The following SLC49A4 variants were observed in gnomAD, a reference collection of about 807,000 sequenced individuals.
The protein encoded by SLC49A4 is disrupted in renal cancer protein 2.
SLC49A4 carries 36 observed loss-of-function variants against 50.6 expected under a neutral mutation model. The ratio of observed to expected loss-of-function variants is 0.71; its 90% CI spans 0.55 to 0.94. The LOEUF (loss-of-function observed/expected upper bound fraction) is 0.94, where lower values mean the gene tolerates loss of function less well. Ranked by LOEUF, SLC49A4 falls within the 40% of genes least tolerant of loss-of-function variation. The probability of loss-of-function intolerance (pLI) is 0.00; values close to 1 mark genes in which losing one functional copy is unlikely to be tolerated. For synonymous variants in SLC49A4, 248 were observed against 241.2 expected, an observed-to-expected ratio of 1.03 and a Z score of -0.26; for missense variants, 503 against 605.7, an observed-to-expected ratio of 0.83 and a Z score of 1.78.
chr3:122,850,530 C>CA (rs1364740823), intron 5 of SLC49A4, among the ~76,000 whole-genome samples: 1 of 148,870 alleles, frequency 6.7e-6, no homozygotes, highest in African/African-American at 2.5e-5. Context: ...TTTTTTGAGA[C>CA]AGCATCTTGA....
At chr3:122,876,117 T>G (rs966294689) in intron 8 of SLC49A4, among the ~76,000 whole-genome samples, 6 of 152,208 alleles carry the variant, frequency 3.9e-5, no homozygotes, top group Admixed American at 1.3e-4. Flanking sequence ...TTGCTTCCTG[T>G]GTTTGTTTTG....
intron 2 of SLC49A4, among the ~76,000 whole-genome samples, chr3:122,815,035 A>G (rs1936345776): frequency 6.6e-6 from 1 of 151,860 alleles, no homozygotes; most frequent in Non-Finnish European, 1.5e-5. Flanking sequence ...TGTCTGTATC[A>G]TGCTGTCATT....
At position 122,842,041 on chromosome 3, in the gene SLC49A4, T is replaced by G. The variant is rs560470616; in HGVS notation, c.834-3722T>G. ...AAAACAATGCCACTTAAGTAAATTT[T>G]TTTCCATGCAAACCTAGCTGCAGAT... On this transcript the variant is annotated intron_variant, in intron 4 of 8. Transcript: ENST00000261038. Among the ~76,000 whole-genome samples, 6 of 152,312 alleles carry G rather than the reference T, an allele frequency of 3.9e-5. No homozygotes were observed. The East Asian group carries it at 1.2e-3, about 29-fold the overall frequency.
chr3:122,862,102 A>G (rs1263382477), intron 7 of SLC49A4, among the ~76,000 whole-genome samples: 2 of 152,254 alleles, frequency 1.3e-5, no homozygotes, highest in South Asian at 4.1e-4. Context: ...GCATCAGTGC[A>G]CACATCTCAT....
intron 4 of SLC49A4, among the ~76,000 whole-genome samples, chr3:122,839,389 G>T (rs772295281): frequency 1.3e-5 from 2 of 151,834 alleles, no homozygotes; most frequent in African/African-American, 4.8e-5. Context: ...AAAAATAAAC[G>T]GGACCTAATT....
chr3:122,835,381 C>T lies in SLC49A4; in HGVS notation c.833+1935C>T, dbSNP rs572501655. Among the ~76,000 whole-genome samples, 8 of 152,188 alleles carry T rather than the reference C, an allele frequency of 5.3e-5. No individual in the cohort carries two copies. In the South Asian group the frequency reaches 1.7e-3, roughly 32 times the overall value. On this transcript the variant is annotated intron_variant, in intron 4 of 8. Coordinates refer to ENST00000261038, the MANE Select transcript of SLC49A4 (RefSeq NM_032839.3). ...TAGATACAAAAATCCTTAATAAAAA[C>T]ACTAGCTTACTGAATCCAACAGCAC...
chr3:122,830,490 A>G (rs935617845), intron 3 of SLC49A4, among the ~76,000 whole-genome samples: 1 of 152,230 alleles, frequency 6.6e-6, no homozygotes, highest in Non-Finnish European at 1.5e-5. Context: ...ATGAGATTCT[A>G]AAAAAGTGAT....
chr3:122,845,753 T>G lies in SLC49A4; in HGVS notation c.834-10T>G. 2 of 1,522,860 alleles carry G rather than the reference T, an allele frequency of 1.3e-6. No homozygotes were observed. The highest frequency in any genetic ancestry group is 1.8e-6 in the Non-Finnish European group (2 of 1,117,280). 94.3% of individuals were successfully genotyped at this position (1,522,860 alleles called of 1,614,324 possible). ...TTGTTACAATGTTTCCTTTTATTTC[T>G]CATTCACAGCAATTTTCGATTTTTG... On this transcript the variant is annotated splice_polypyrimidine_tract_variant and intron_variant, in intron 4 of 8. Coordinates refer to ENST00000261038, the MANE Select transcript of SLC49A4 (RefSeq NM_032839.3).
chr3:122,835,892 T>A (rs1936677339), intron 4 of SLC49A4, among the ~76,000 whole-genome samples: 1 of 152,178 alleles, frequency 6.6e-6, no homozygotes, highest in Admixed American at 6.6e-5. Context: ...ATTTGATAAA[T>A]GAATTCAGTA....
chr3:122,861,030 C>T (rs1368408366), intron 7 of SLC49A4, among the ~76,000 whole-genome samples: 1 of 152,200 alleles, frequency 6.6e-6, no homozygotes, highest in African/African-American at 2.4e-5. Flanking sequence ...GTTGCATTAT[C>T]TGTGCCTTTC....
intron 2 of SLC49A4, among the ~76,000 whole-genome samples, chr3:122,811,826 TA>T (rs1240606056): frequency 1.3e-5 from 2 of 152,190 alleles, no homozygotes; most frequent in African/African-American, 4.8e-5. Flanking sequence ...AGTATGTTCT[TA>T]CTTGGAAAAA....
At chr3:122,845,736 A>G (rs747601066) in intron 4 of SLC49A4, 27 bp from the exon 5 acceptor site, 52 of 1,370,662 alleles carry the variant, frequency 3.8e-5, no homozygotes, top group Admixed American at 8.2e-5. Flanking sequence ...ATTTGTTACA[A>G]TGTTTCCTTT....
chr3:122,795,260 TG>T lies in SLC49A4; in HGVS notation c.73del (p.Ala25ProfsTer94). 1 of 1,394,562 alleles carries T rather than the reference TG, an allele frequency of 7.2e-7. No individual in the cohort carries two copies. 86.4% of individuals were successfully genotyped at this position (1,394,562 alleles called of 1,614,324 possible). A position where few individuals can be genotyped will look rare whatever the true frequency, so the allele number is the denominator to read the frequency against. The part of the protein sequence containing the change: ...PLLGPGLGPG[L>X]GASWRSREAA... ...CTGGGGCCCGGGCTCGGGCCTGGGC[TG>T]GGGGCCTCCTGGAGAAGCCGGGAGG... On this transcript the variant is annotated frameshift_variant, in exon 1 of 9. Transcript: ENST00000261038. LOFTEE classifies it high-confidence loss of function.
At chr3:122,808,030 C>G (rs1157271496) in intron 2 of SLC49A4, among the ~76,000 whole-genome samples, 1 of 152,068 alleles carries the variant, frequency 6.6e-6, no homozygotes, top group East Asian at 1.9e-4. Flanking sequence ...TGAAGTCATT[C>G]TTTTGTTGGT....
chr3:122,866,434 A>C (rs970011124), intron 7 of SLC49A4, among the ~76,000 whole-genome samples: 1 of 152,136 alleles, frequency 6.6e-6, no homozygotes, highest in Non-Finnish European at 1.5e-5. Flanking sequence ...GGCATCATCT[A>C]ATATAATTTA....
At chr3:122,821,159 T>C (rs1936446502) in intron 2 of SLC49A4, among the ~76,000 whole-genome samples, 1 of 152,196 alleles carries the variant, frequency 6.6e-6, no homozygotes, top group Non-Finnish European at 1.5e-5. Context: ...TCTGAGGCCT[T>C]CCAGCCATGT....
Position 122,872,488 on chromosome 3 carries a change from T to C in SLC49A4, c.1212T>C (p.Phe404=). 1 of 1,613,964 alleles carries C rather than the reference T, an allele frequency of 6.2e-7. No homozygotes were observed. The part of the protein sequence containing the change: ...NSSVPIFFEL[F]VETVYPVPEG... ...GCGTGCCTATATTTTTTGAGCTTTTTGTGGAAACTGTCTACCCAGTTCCAG... is the reference window on the plus strand; with the variant it reads ...GCGTGCCTATATTTTTTGAGCTTTTCGTGGAAACTGTCTACCCAGTTCCAG... The change falls in exon 8 of 9, where the codon TTT becomes TTC. Residue 404 remains phenylalanine (F), a synonymous_variant. Transcript: ENST00000261038.
intron 2 of SLC49A4, among the ~76,000 whole-genome samples, chr3:122,825,659 C>T (rs547405511): frequency 2.0e-5 from 3 of 151,378 alleles, no homozygotes; most frequent in South Asian, 2.1e-4. Context: ...GGATTTGAGA[C>T]TCACATAGTG....
chr3:122,837,195 G>A (rs528807873), intron 4 of SLC49A4, among the ~76,000 whole-genome samples: 287 of 152,228 alleles, frequency 1.9e-3, no homozygotes, highest in African/African-American at 6.7e-3. Flanking sequence ...TTTCTTCACA[G>A]ACTTGGAAAA....
Sources: gnomAD v4.1 joint callset for allele counts (sites outside exome capture counted in the v4.1 genomes callset) on GRCh38, gnomAD v4.1.1 for gene constraint, MANE v1.5 for transcripts, NCBI Gene and HGNC (gene_info 2026-07-23, HGNC 2026-07-21) for gene names.